The following TMED3 variants were observed in gnomAD, a reference collection of about 807,000 sequenced individuals.
The protein encoded by TMED3 is transmembrane p24 trafficking protein 3.
Under a neutral mutation model 15.0 loss-of-function variants are expected in TMED3, and 9 were observed. The observed-to-expected ratio is 0.60, with a 90% CI of 0.36 to 1.04. TMED3 has a LOEUF of 1.04. Ranked by LOEUF, TMED3 falls within the 50% of genes least tolerant of loss-of-function variation. The pLI is 0.01. For missense variants in TMED3, 267 were observed against 278.9 expected (o/e 0.96, Z 0.30); for synonymous variants, 117 against 121.4 (o/e 0.96, Z 0.24).
intron 2 of TMED3, among the ~76,000 whole-genome samples, chr15:79,361,518 G>A (rs891295459): frequency 1.3e-5 from 2 of 152,062 alleles, no homozygotes; most frequent in East Asian, 1.9e-4. Flanking sequence ...CTATGAGGAC[G>A]CAAAGGCATA....
chr15:79,330,745 C>G (rs2058805277), intron 2 of TMED3, among the ~76,000 whole-genome samples: 1 of 152,132 alleles, frequency 6.6e-6, no homozygotes, highest in Non-Finnish European at 1.5e-5. Context: ...GCAAAAGGAA[C>G]AAAGCCTGGA....
In TMED3 at chr15:79,311,198, G is replaced by T; in HGVS notation, c.-52G>T. The T allele has an allele frequency of 1.3e-6, 2 of 1,536,078 alleles. No homozygotes were observed. Among genetic ancestry groups the T allele is most frequent in the East Asian group, 2.4e-5 (1 of 41,208 alleles). On this transcript the variant is annotated 5_prime_UTR_variant, in exon 1 of 3. Transcript: ENST00000299705. Reference sequence around the variant, plus strand: ...CGGTCGGTAGTCGTCGCCCCAGCCCGCCGGGGGCGCAGCGCCCGAGCCGCG... The same window carrying T: ...CGGTCGGTAGTCGTCGCCCCAGCCCTCCGGGGGCGCAGCGCCCGAGCCGCG...
intron 2 of TMED3, among the ~76,000 whole-genome samples, chr15:79,345,969 A>C (rs1029284461): frequency 6.6e-6 from 1 of 152,046 alleles, no homozygotes; most frequent in Non-Finnish European, 1.5e-5. Flanking sequence ...GTATCTGTTT[A>C]TGTCATTTTC....
Position 79,311,158 on chromosome 15 carries a change from C to T in TMED3, c.-92C>T. 1 of 1,396,640 alleles carries T rather than the reference C, an allele frequency of 7.2e-7. No individual in the cohort carries two copies. The highest frequency in any genetic ancestry group is 2.4e-5 in the Admixed American group (1 of 42,008). The allele number at this position is 1,396,640 out of a possible 1,614,324, so 86.5% of individuals were successfully genotyped here. On this transcript the variant is annotated 5_prime_UTR_variant, in exon 1 of 3. Coordinates refer to ENST00000299705, the MANE Select transcript of TMED3 (RefSeq NM_007364.4). Reference sequence around the variant, plus strand: ...CGCTGGTGCCACGTCTATCCCCTTACATCCTCCTAGGACCCGGTCGGTAGT... The same window carrying T: ...CGCTGGTGCCACGTCTATCCCCTTATATCCTCCTAGGACCCGGTCGGTAGT...
intron 2 of TMED3, among the ~76,000 whole-genome samples, chr15:79,399,130 C>T (rs1330305239): frequency 6.6e-6 from 1 of 152,144 alleles, no homozygotes; most frequent in Non-Finnish European, 1.5e-5. Flanking sequence ...AGGCTGGTCT[C>T]AAACTCCTGG....
chr15:79,399,390 G>A (rs1451332551), intron 2 of TMED3, among the ~76,000 whole-genome samples: 2 of 152,084 alleles, frequency 1.3e-5, no homozygotes, highest in Non-Finnish European at 2.9e-5. Context: ...CTAAAGCTGG[G>A]GACATCCTGG....
intron 2 of TMED3, among the ~76,000 whole-genome samples, chr15:79,386,751 G>A (rs1396256310): frequency 2.3e-5 from 3 of 131,404 alleles, no homozygotes; most frequent in Non-Finnish European, 4.8e-5. Flanking sequence ...GTTTCACCAT[G>A]TTGGCCAGAC....
At chr15:79,389,166 A>G (rs1488256879) in intron 2 of TMED3, among the ~76,000 whole-genome samples, 1 of 152,094 alleles carries the variant, frequency 6.6e-6, no homozygotes, top group Non-Finnish European at 1.5e-5. Flanking sequence ...TCCTTGCCTA[A>G]GCCAATGTCT....
intron 2 of TMED3, among the ~76,000 whole-genome samples, chr15:79,332,776 C>G (rs2058814175): frequency 6.6e-6 from 1 of 152,192 alleles, no homozygotes; most frequent in South Asian, 2.1e-4. Flanking sequence ...GGGTGACATT[C>G]TGAACAAAAG....
chr15:79,389,932 T>G (rs1893676241), intron 2 of TMED3, among the ~76,000 whole-genome samples: 2 of 152,222 alleles, frequency 1.3e-5, no homozygotes, highest in South Asian at 4.1e-4. Context: ...CTGTGTACAT[T>G]AATCTTGTAT....
At chr15:79,362,188 G>A (rs144174122) in intron 2 of TMED3, among the ~76,000 whole-genome samples, 10 of 152,064 alleles carry the variant, frequency 6.6e-5, no homozygotes, top group Non-Finnish European at 1.2e-4. Context: ...TAATATAGTT[G>A]GGTGCAGTGG....
intron 2 of TMED3, among the ~76,000 whole-genome samples, chr15:79,352,830 TTA>T (rs58849794): frequency 0.58 from 70,758 of 122,432 alleles, 21,250 homozygotes; most frequent in African/African-American, 0.72. Flanking sequence ...TTTCAAAATT[TTA>T]TATATATATA....
At chr15:79,397,395 G>T (rs1317322621) in intron 2 of TMED3, among the ~76,000 whole-genome samples, 1 of 152,042 alleles carries the variant, frequency 6.6e-6, no homozygotes, top group Non-Finnish European at 1.5e-5. Context: ...TCTCTGCCTG[G>T]ACATGGAAAG....
intron 2 of TMED3, among the ~76,000 whole-genome samples, chr15:79,405,773 C>T (rs746891639): frequency 4.6e-5 from 7 of 152,178 alleles, no homozygotes; most frequent in Non-Finnish European, 1.0e-4. Flanking sequence ...CATCATGATG[C>T]TTTGTAAATG....
At chr15:79,411,130 C>G (rs533660244) in intron 2 of TMED3, among the ~76,000 whole-genome samples, 2 of 152,092 alleles carry the variant, frequency 1.3e-5, no homozygotes. Flanking sequence ...GTAACTCACC[C>G]GGGGTCACAC....
chr15:79,373,767 A>T (rs962775081), intron 2 of TMED3, among the ~76,000 whole-genome samples: 1 of 152,226 alleles, frequency 6.6e-6, no homozygotes, highest in Non-Finnish European at 1.5e-5. Flanking sequence ...AACATAATAC[A>T]TCAATCAATA....
intron 2 of TMED3, among the ~76,000 whole-genome samples, chr15:79,380,445 TA>T (rs1418118065): frequency 6.8e-6 from 1 of 147,564 alleles, no homozygotes. Context: ...TAGTTATATA[TA>T]GTTATATATG....
chr15:79,328,800 C>A (rs189295398), intron 2 of TMED3, among the ~76,000 whole-genome samples: 2 of 152,270 alleles, frequency 1.3e-5, no homozygotes, highest in Admixed American at 1.3e-4. Context: ...GGTGGGAGGA[C>A]ACTGTAGCCT....
intron 2 of TMED3, among the ~76,000 whole-genome samples, chr15:79,343,464 T>G (rs776709403): frequency 2.0e-5 from 3 of 152,240 alleles, no homozygotes; most frequent in African/African-American, 4.8e-5. Flanking sequence ...CTGAGTAGTA[T>G]TTTATGCTAT....
Sources: gnomAD v4.1 joint callset for allele counts (sites outside exome capture counted in the v4.1 genomes callset) on GRCh38, gnomAD v4.1.1 for gene constraint, MANE v1.5 for transcripts, NCBI Gene and HGNC (gene_info 2026-07-23, HGNC 2026-07-21) for gene names.